Variants in PTPN13 observed in about 807,000 individuals in gnomAD.
The protein encoded by PTPN13 is tyrosine-protein phosphatase non-receptor type 13.
Under a neutral mutation model 284.0 loss-of-function variants are expected in PTPN13, and 191 were observed. The ratio of observed to expected loss-of-function variants is 0.67; its 90% confidence interval spans 0.60 to 0.76. The LOEUF (loss-of-function observed/expected upper bound fraction) is 0.76. Among genes scored for constraint, PTPN13 ranks in the 30% least tolerant of loss-of-function variants. The pLI is 0.00. For missense variants in PTPN13, 2,797 were observed against 2,939.9 expected (o/e 0.95, Z 1.12); for synonymous variants, 986 against 1,022.3 (o/e 0.96, Z 0.68).
intron 3 of PTPN13, 71 bp from the exon 4 acceptor site, chr4:86,686,639 T>G (rs955893025): frequency 3.0e-6 from 3 of 995,052 alleles, no homozygotes; most frequent in Non-Finnish European, 4.5e-6. Flanking sequence ...AAATAATCTG[T>G]TTTTATAGCA....
intron 5 of PTPN13, 78 bp from the exon 6 acceptor site, chr4:86,693,509 G>A (rs746002968): frequency 3.5e-6 from 3 of 851,424 alleles, no homozygotes; most frequent in Non-Finnish European, 5.3e-6. Context: ...TGTAACTAGT[G>A]TCATTCTGTA....
intron 42 of PTPN13, among the ~76,000 whole-genome samples, chr4:86,800,004 T>A (rs1271891452): frequency 1.3e-5 from 2 of 151,004 alleles, no homozygotes; most frequent in Non-Finnish European, 3.0e-5. Context: ...TGCCTGGCTA[T>A]TTTTTCTGTT....
At chr4:86,796,952 A>G in intron 41 of PTPN13, 23 bp downstream of exon 41, 1 of 1,316,892 alleles carries the variant, frequency 7.6e-7, no homozygotes, top group Non-Finnish European at 1.1e-6. Flanking sequence ...TTTTCAAAGT[A>G]TCCATAATGC....
chr4:86,677,350 C>CT (rs1281371060), intron 3 of PTPN13, among the ~76,000 whole-genome samples: 1 of 147,044 alleles, frequency 6.8e-6, no homozygotes, highest in Non-Finnish European at 1.5e-5. Context: ...GAGTCTAGCT[C>CT]TGTCACCAGG....
At position 86,643,799 on chromosome 4, in the gene PTPN13, G is replaced by T. The variant is rs147769352; in HGVS notation, c.115+8428G>T. ...TAAATGACTTATAGGAGTTAGTATT[G>T]GCAGAGCAGAAATAATGTAACTATT... On this transcript the variant is annotated intron_variant, in intron 2 of 47. Transcript: ENST00000411767. 2.0e-4 allele frequency among the ~76,000 whole-genome samples: 31 copies of T among 152,194 alleles called. No individual in the cohort carries two copies. In the East Asian group the frequency reaches 5.8e-3, roughly 28 times the overall value.
intron 7 of PTPN13, among the ~76,000 whole-genome samples, chr4:86,705,333 C>CAA (rs759784072): frequency 4.2e-5 from 4 of 95,384 alleles, no homozygotes; most frequent in Non-Finnish European, 4.3e-5. Context: ...GACTCCGTCT[C>CAA]AAAAAAAAAA....
intron 5 of PTPN13, among the ~76,000 whole-genome samples, chr4:86,692,783 G>A (rs919949396): frequency 6.6e-6 from 1 of 152,112 alleles, no homozygotes; most frequent in African/African-American, 2.4e-5. Context: ...TCCATTTAAA[G>A]ACTTAGCATT....
At chr4:86,632,546 G>A (rs547967884) in intron 1 of PTPN13, among the ~76,000 whole-genome samples, 7 of 151,962 alleles carry the variant, frequency 4.6e-5, no homozygotes, top group Non-Finnish European at 5.9e-5. Flanking sequence ...CCTCCAACTA[G>A]CCAGTAACCC....
At chr4:86,799,324 T>TG in intron 42 of PTPN13, 120 bp downstream of exon 42, 1 of 612,662 alleles carries the variant, frequency 1.6e-6, no homozygotes, top group East Asian at 3.5e-5. Context: ...TTGCTTTTTT[T>TG]TTTTTTTTTC....
intron 3 of PTPN13, among the ~76,000 whole-genome samples, chr4:86,686,255 G>C (rs1401698100): frequency 3.9e-5 from 6 of 152,044 alleles, no homozygotes; most frequent in African/African-American, 1.4e-4. Context: ...CCAGCTACTG[G>C]GGAGGCTGAG....
chr4:86,716,493 A>C (rs1383859926), intron 7 of PTPN13, 37 bp from the exon 8 acceptor site: 2 of 1,206,964 alleles, frequency 1.7e-6, no homozygotes, highest in African/African-American at 3.1e-5. Flanking sequence ...ATAGCTAATG[A>C]GTTTGCTTTC....
At chr4:86,805,184 A>G (rs1578722466) in intron 43 of PTPN13, 95 bp from the exon 44 acceptor site, 1 of 689,006 alleles carries the variant, frequency 1.5e-6, no homozygotes, top group East Asian at 2.8e-5. Flanking sequence ...ATCAGCCTTA[A>G]TCAACCAATT....
In PTPN13 at chr4:86,807,810, G is replaced by A. The variant is rs1408377277; in HGVS notation, c.6996G>A (p.Met2332Ile). Residue 2332 changes from methionine to isoleucine, a missense_variant, in exon 45 of 48, where the codon ATG becomes ATA. By Grantham distance (10) the Met-to-Ile change is conservative. Transcript: ENST00000411767. ...YWPNILGKTT[M>I]VSNRLRLALV... ...CCAACATCCTAGGCAAAACAACAATGGTCAGCAACAGACTTCGACTGGCTC... is the reference window on the plus strand; with the variant it reads ...CCAACATCCTAGGCAAAACAACAATAGTCAGCAACAGACTTCGACTGGCTC... 2.1e-5 allele frequency: 34 copies of A among 1,613,884 alleles called. No homozygotes were observed. The highest frequency in any genetic ancestry group is 2.7e-5 in the Non-Finnish European group (32 of 1,179,906).
At chr4:86,734,602 A>G in intron 13 of PTPN13, 135 bp from the exon 14 acceptor site, 1 of 1,263,406 alleles carries the variant, frequency 7.9e-7, no homozygotes, top group Admixed American at 2.9e-5. Flanking sequence ...CAGTTTATCT[A>G]ATCCTTATGC....
chr4:86,761,223 A>T (rs1738656698), intron 23 of PTPN13, among the ~76,000 whole-genome samples: 1 of 149,090 alleles, frequency 6.7e-6, no homozygotes, highest in Non-Finnish European at 1.5e-5. Context: ...TACTCTAAAT[A>T]CCATTCTGTA....
chr4:86,789,039 G>A (rs1357821989), intron 40 of PTPN13, among the ~76,000 whole-genome samples: 2 of 152,174 alleles, frequency 1.3e-5, no homozygotes, highest in Non-Finnish European at 2.9e-5. Context: ...CCGTGGAGCT[G>A]CTTTAGCAGA....
chr4:86,606,895 A>G (rs1199409125), intron 1 of PTPN13, among the ~76,000 whole-genome samples: 2 of 151,930 alleles, frequency 1.3e-5, no homozygotes, highest in African/African-American at 2.4e-5. Flanking sequence ...ATAACTGTCC[A>G]TAATGGTGGC....
At chr4:86,733,401 T>G (rs989037572) in intron 12 of PTPN13, among the ~76,000 whole-genome samples, 1 of 152,072 alleles carries the variant, frequency 6.6e-6, no homozygotes, top group Non-Finnish European at 1.5e-5. Flanking sequence ...ATATTTCAGA[T>G]TCCTGTTTAC....
rs560636793 is a variant in PTPN13 at position 86,686,236 on chromosome 4, C to T, written c.295-474C>T. On this transcript the variant is annotated intron_variant, in intron 3 of 47. Coordinates refer to ENST00000411767, the MANE Select transcript of PTPN13 (RefSeq NM_080683.3). ...AATTAGTCAGGCATGGTGGCAGGCA[C>T]CTCTAACCCCAGCTACTGGGGAGGC... Among the ~76,000 whole-genome samples the T allele has an allele frequency of 3.9e-5, 6 of 152,228 alleles. No individual in the cohort carries two copies. The East Asian group carries it at 9.7e-4, about 25-fold the overall frequency.
Sources: allele counts gnomAD v4.1 joint callset (sites outside exome capture counted in the v4.1 genomes callset), GRCh38; gene constraint gnomAD v4.1.1; transcripts MANE v1.5; gene names NCBI Gene and HGNC (gene_info 2026-07-23, HGNC 2026-07-21).